Variants in SLC5A12 observed in about 807,000 individuals in gnomAD.
The protein encoded by SLC5A12 is solute carrier family 5 member 12, also known as sodium-coupled monocarboxylate transporter 2.
Under a neutral mutation model 72.7 loss-of-function variants are expected in SLC5A12, and 46 were observed. The observed-to-expected ratio is 0.63, with a 90% CI of 0.50 to 0.81. The LOEUF (loss-of-function observed/expected upper bound fraction) is 0.81, where lower values mean the gene tolerates loss of function less well. Ranked by LOEUF, SLC5A12 falls within the 30% of genes least tolerant of loss-of-function variation. SLC5A12 has a pLI of 0.00. For missense variants in SLC5A12, 683 were observed against 740.7 expected (o/e 0.92, Z 0.90); for synonymous variants, 275 against 264.4 (o/e 1.04, Z -0.39).
At chr11:26,718,687 C>T (rs1435871225) in intron 1 of SLC5A12, among the ~76,000 whole-genome samples, 1 of 151,632 alleles carries the variant, frequency 6.6e-6, no homozygotes, top group Non-Finnish European at 1.5e-5. Flanking sequence ...TGGAGTTTCT[C>T]CATGTTGGCC....
chr11:26,718,620 TTGTGTGTGTG>T (rs10578471), intron 1 of SLC5A12, among the ~76,000 whole-genome samples: 47,950 of 149,464 alleles, frequency 0.32, 8,104 homozygotes, highest in East Asian at 0.44. Context: ...CTGGCTAATT[TTGTGTGTGTG>T]TGTGTGTGTG....
At chr11:26,702,998 G>T (rs993231490) in intron 6 of SLC5A12, among the ~76,000 whole-genome samples, 2 of 152,146 alleles carry the variant, frequency 1.3e-5, no homozygotes, top group African/African-American at 4.8e-5. Flanking sequence ...GCTTTGCTTT[G>T]CTTCCATGTC....
chr11:26,686,590 G>A (rs1208122642), intron 9 of SLC5A12, 46 bp from the exon 10 acceptor site: 2 of 1,551,898 alleles, frequency 1.3e-6, no homozygotes, highest in Non-Finnish European at 1.8e-6. Flanking sequence ...AGGGATTCCT[G>A]ACTTCAAGGG....
In SLC5A12 at chr11:26,668,638, T is replaced by G. The variant is rs548303993; in HGVS notation, c.*2464A>C. 1 of 152,146 alleles carries G rather than the reference T, an allele frequency of 6.6e-6. No homozygotes were observed. The highest frequency in any genetic ancestry group is 2.4e-5 in the African/African-American group (1 of 41,542). The allele number at this position is 152,146 out of a possible 1,614,324, so 9.4% of individuals were successfully genotyped here. Reference sequence around the variant, plus strand: ...GTTTTCATACACTATGGAAGACAGTTTCCTGTAGATTCCCATCTGCTCTCT... The same window carrying G: ...GTTTTCATACACTATGGAAGACAGTGTCCTGTAGATTCCCATCTGCTCTCT... On this transcript the variant is annotated 3_prime_UTR_variant, in exon 15 of 15. Coordinates refer to ENST00000396005, the MANE Select transcript of SLC5A12 (RefSeq NM_178498.4).
intron 11 of SLC5A12, 98 bp from the exon 12 acceptor site, chr11:26,681,319 T>C (rs1854408287): frequency 9.5e-7 from 1 of 1,056,810 alleles, no homozygotes; most frequent in Non-Finnish European, 1.3e-6. Context: ...ATTCTGGCTT[T>C]CCATCCCAAA....
intron 9 of SLC5A12, among the ~76,000 whole-genome samples, chr11:26,688,777 C>A (rs1297673816): frequency 6.6e-6 from 1 of 151,942 alleles, no homozygotes; most frequent in Admixed American, 6.6e-5. Context: ...GAAGATGGAT[C>A]CGGGTATGAT....
intron 4 of SLC5A12, among the ~76,000 whole-genome samples, chr11:26,704,698 A>C (rs1855043678): frequency 6.6e-6 from 1 of 152,136 alleles, no homozygotes; most frequent in African/African-American, 2.4e-5. Flanking sequence ...AGAGATGAAA[A>C]GAAGTGGATG....
chr11:26,685,965 A>G (rs1208343718), intron 10 of SLC5A12, among the ~76,000 whole-genome samples: 1 of 152,202 alleles, frequency 6.6e-6, no homozygotes, highest in Non-Finnish European at 1.5e-5. Flanking sequence ...CCACTCTTTA[A>G]TTATGTAACT....
chr11:26,667,636 A>G lies in SLC5A12; in HGVS notation c.*3466T>C, dbSNP rs1854028629. ...ATTTATCAAGGTTTACATGTACAAA[A>G]TAATAATAAATCATAGTAATGAATT... On this transcript the variant is annotated 3_prime_UTR_variant, in exon 15 of 15. Transcript: ENST00000396005. 1 of 151,702 alleles carries G rather than the reference A, an allele frequency of 6.6e-6. No individual in the cohort carries two copies. The highest frequency in any genetic ancestry group is 1.5e-5 in the Non-Finnish European group (1 of 67,808). The allele number at this position is 151,702 out of a possible 1,614,324, so 9.4% of individuals were successfully genotyped here. A position where few individuals can be genotyped will look rare whatever the true frequency, so the allele number is the denominator to read the frequency against.
intron 13 of SLC5A12, 43 bp downstream of exon 13, chr11:26,678,669 G>T: frequency 7.1e-7 from 1 of 1,402,584 alleles, no homozygotes; most frequent in Non-Finnish European, 1.0e-6. Context: ...GCATGCATGA[G>T]CCCATATCTT....
At chr11:26,694,609 A>G (rs181140531) in intron 8 of SLC5A12, among the ~76,000 whole-genome samples, 13 of 152,282 alleles carry the variant, frequency 8.5e-5, no homozygotes, top group Admixed American at 7.9e-4. Flanking sequence ...ATTAGTAAAA[A>G]CAAGTTAGCA....
chr11:26,686,688 C>CA, intron 9 of SLC5A12, 144 bp from the exon 10 acceptor site: 1 of 670,016 alleles, frequency 1.5e-6, no homozygotes, highest in South Asian at 1.9e-5. Context: ...ATTCAGCCAT[C>CA]ATCAGCCCCA....
chr11:26,677,968 C>T (rs1444241195), intron 13 of SLC5A12, among the ~76,000 whole-genome samples: 2 of 152,158 alleles, frequency 1.3e-5, no homozygotes, highest in Non-Finnish European at 2.9e-5. Context: ...CTCACCACTA[C>T]CAACCCCTCA....
chr11:26,706,363 T>C (rs185315229), intron 4 of SLC5A12, among the ~76,000 whole-genome samples: 349 of 152,080 alleles, frequency 2.3e-3, no homozygotes, highest in African/African-American at 8.1e-3. Context: ...GAAATGAATA[T>C]TTTAAGAAGA....
intron 12 of SLC5A12, among the ~76,000 whole-genome samples, chr11:26,680,317 G>GTATATATATTCA: frequency 8.2e-6 from 1 of 121,610 alleles, no homozygotes; most frequent in Admixed American, 8.6e-5. Flanking sequence ...ATATATATAT[G>GTATATATATTCA]TATATATATT....
intron 12 of SLC5A12, among the ~76,000 whole-genome samples, chr11:26,680,471 CA>C (rs1366956091): frequency 6.8e-6 from 1 of 147,452 alleles, no homozygotes; most frequent in Non-Finnish European, 1.5e-5. Context: ...CTAACTTGTC[CA>C]AAGATACAGA....
Position 26,668,688 on chromosome 11 carries a change from G to C in SLC5A12, c.*2414C>G, listed in dbSNP as rs909411658. ...TACCTGAAACCCTAGATTTATGCAT[G>C]TTTGTTCAATTAAGAAGAATGGGGG... On this transcript the variant is annotated 3_prime_UTR_variant, in exon 15 of 15. Coordinates refer to ENST00000396005, the MANE Select transcript of SLC5A12 (RefSeq NM_178498.4). The C allele has an allele frequency of 6.6e-6, 1 of 151,998 alleles. No homozygotes were observed. The highest frequency in any genetic ancestry group is 2.4e-5 in the African/African-American group (1 of 41,412). The allele number at this position is 151,998 out of a possible 1,614,324, so 9.4% of individuals were successfully genotyped here.
chr11:26,711,349 T>C lies in SLC5A12; in HGVS notation c.415A>G (p.Thr139Ala), dbSNP rs1484080169. 6.2e-7 allele frequency: 1 copy of C among 1,611,486 alleles called. No homozygotes were observed. The highest frequency in any genetic ancestry group is 2.2e-5 in the East Asian group (1 of 44,814). The change falls in exon 3 of 15, where the codon ACA (threonine) becomes GCA (alanine). Residue 139 changes from threonine to alanine, a missense_variant. Coordinates refer to ENST00000396005, the MANE Select transcript of SLC5A12 (RefSeq NM_178498.4). ...GCAGGAGCATACACCACCACTCCTG[T>C]GTAGAGAATCTGGTAGAGAAACAAG... ...VIYIVQTILY[T>A]GVVVYAPALA...
chr11:26,686,002 C>T (rs1433123681), intron 10 of SLC5A12, among the ~76,000 whole-genome samples: 2 of 152,132 alleles, frequency 1.3e-5, no homozygotes, highest in Non-Finnish European at 2.9e-5. Flanking sequence ...CTAGTTCCTT[C>T]ATCTGGAAAA....
Sources: allele counts gnomAD v4.1 joint callset (sites outside exome capture counted in the v4.1 genomes callset), GRCh38; gene constraint gnomAD v4.1.1; transcripts MANE v1.5; gene names NCBI Gene and HGNC (gene_info 2026-07-23, HGNC 2026-07-21).